ZEB1: variants seen among roughly 807,000 people sequenced by gnomAD.
ZEB1 encodes the protein zinc finger E-box binding homeobox 1.
A neutral mutation model predicts 84.9 loss-of-function variants in ZEB1; 21 were observed. The observed-to-expected ratio is 0.25, with a 90% confidence interval of 0.18 to 0.36. The LOEUF is 0.36. Ranked by LOEUF, ZEB1 falls within the 10% of genes least tolerant of loss-of-function variation. ZEB1 has a pLI of 1.00. For missense variants in ZEB1, 1,104 were observed against 1,330.2 expected (o/e 0.83, Z 2.65); for synonymous variants, 420 against 471.1 (o/e 0.89, Z 1.41).
At chr10:31,427,624 C>T (rs561800308) in intron 1 of ZEB1, among the ~76,000 whole-genome samples, 2 of 152,156 alleles carry the variant, frequency 1.3e-5, no homozygotes, top group Admixed American at 6.5e-5. Context: ...GAGGCCAAGG[C>T]GGGTGGATCA....
chr10:31,451,409 T>G (rs765814709), intron 1 of ZEB1, among the ~76,000 whole-genome samples: 2 of 152,210 alleles, frequency 1.3e-5, no homozygotes, highest in Non-Finnish European at 2.9e-5. Flanking sequence ...GATATATCAA[T>G]TACATGGCTT....
In ZEB1 at chr10:31,392,096, T is replaced by C. The variant is rs1353279140; in HGVS notation, c.59-68941T>C. On this transcript the variant is annotated intron_variant, in intron 1 of 8. Coordinates refer to ENST00000424869, the MANE Select transcript of ZEB1 (RefSeq NM_001174096.2). ...AACTTCAACTAATTAAACTTGAAAATACCAGCCTAAATGGGAGCAGTTAGT... is the reference window on the plus strand; with the variant it reads ...AACTTCAACTAATTAAACTTGAAAACACCAGCCTAAATGGGAGCAGTTAGT... 2.0e-5 allele frequency among the ~76,000 whole-genome samples: 3 copies of C among 152,174 alleles called. No homozygotes were observed. The East Asian group carries it at 5.8e-4, about 29-fold the overall frequency.
intron 1 of ZEB1, among the ~76,000 whole-genome samples, chr10:31,330,020 T>C (rs1422440293): frequency 6.6e-6 from 1 of 152,192 alleles, no homozygotes; most frequent in Non-Finnish European, 1.5e-5. Flanking sequence ...AATGGTACCA[T>C]TGAAGTGCCA....
rs578070916 is a variant in ZEB1 at position 31,426,129 on chromosome 10, A to G, written c.59-34908A>G. 2.1e-4 allele frequency among the ~76,000 whole-genome samples: 32 copies of G among 152,298 alleles called. 2 individuals carry two copies. Among genetic ancestry groups the G allele is most frequent in the Middle Eastern group, 3.4e-3 (1 of 294 alleles). Reference sequence around the variant, plus strand: ...TTCCTTAAAAAGTGATGATAATACCAACTCTACCAATGTTACAGTATGTTG... The same window carrying G: ...TTCCTTAAAAAGTGATGATAATACCGACTCTACCAATGTTACAGTATGTTG... On this transcript the variant is annotated intron_variant, in intron 1 of 8. Transcript: ENST00000424869.
At chr10:31,512,755 A>C (rs1465160550) in intron 5 of ZEB1, among the ~76,000 whole-genome samples, 1 of 152,228 alleles carries the variant, frequency 6.6e-6, no homozygotes, top group Non-Finnish European at 1.5e-5. Flanking sequence ...CAGCAGGATA[A>C]GAGGATAGAA....
At chr10:31,378,299 A>G (rs922934073) in intron 1 of ZEB1, among the ~76,000 whole-genome samples, 1 of 151,580 alleles carries the variant, frequency 6.6e-6, no homozygotes, top group Admixed American at 6.6e-5. Flanking sequence ...GTAAAAAAGT[A>G]TATGTATATA....
At chr10:31,327,003 T>C (rs2035641023) in intron 1 of ZEB1, among the ~76,000 whole-genome samples, 1 of 152,148 alleles carries the variant, frequency 6.6e-6, no homozygotes, top group African/African-American at 2.4e-5. Context: ...GTAGCTAGCC[T>C]TGTAAAATTT....
chr10:31,321,342 A>G (rs944105454), intron 1 of ZEB1: 5 of 1,464,822 alleles, frequency 3.4e-6, no homozygotes, highest in Admixed American at 2.7e-5. Flanking sequence ...ATTCAAATAA[A>G]CACTTGCATT....
At chr10:31,347,264 A>G (rs564596550) in intron 1 of ZEB1, among the ~76,000 whole-genome samples, 1 of 152,366 alleles carries the variant, frequency 6.6e-6, no homozygotes, top group Admixed American at 6.5e-5. Flanking sequence ...CACCTGTTTA[A>G]AATAAGATTC....
chr10:31,443,811 A>G (rs1164226151), intron 1 of ZEB1, among the ~76,000 whole-genome samples: 2 of 150,630 alleles, frequency 1.3e-5, no homozygotes, highest in Non-Finnish European at 2.9e-5. Context: ...CCAGTCTATC[A>G]TTGTTGGACA....
At chr10:31,385,639 G>C (rs1026075201) in intron 1 of ZEB1, among the ~76,000 whole-genome samples, 16 of 151,300 alleles carry the variant, frequency 1.1e-4, no homozygotes, top group African/African-American at 3.9e-4. Flanking sequence ...CAGTTCTCCT[G>C]CCTTAGCCCC....
intron 1 of ZEB1, among the ~76,000 whole-genome samples, chr10:31,370,493 C>T: frequency 6.6e-6 from 1 of 152,278 alleles, no homozygotes; most frequent in African/African-American, 2.4e-5. Flanking sequence ...ATTTTTAAAA[C>T]TCATATTCTT....
chr10:31,321,774 A>T, intron 1 of ZEB1: 1 of 556,854 alleles, frequency 1.8e-6, no homozygotes, highest in Non-Finnish European at 3.2e-6. Flanking sequence ...TAAGGGGGGA[A>T]AAGCGATCCT....
chr10:31,464,972 A>G (rs1348141201), intron 2 of ZEB1, among the ~76,000 whole-genome samples: 1 of 152,208 alleles, frequency 6.6e-6, no homozygotes, highest in African/African-American at 2.4e-5. Context: ...TATAAATACT[A>G]TTCTATATAG....
In ZEB1 at chr10:31,529,222, CATT is replaced by C. The variant is rs1258063430; in HGVS notation, c.*1961_*1963del. On this transcript the variant is annotated 3_prime_UTR_variant, in exon 9 of 9. Transcript: ENST00000424869. ...CCTGAACTGCTGTCATTCTTTTCATCATTATCAGTATTTTCTTTGGAAAACTGT... is the reference window on the plus strand; with the variant it reads ...CCTGAACTGCTGTCATTCTTTTCATCATCAGTATTTTCTTTGGAAAACTGT... The C allele has an allele frequency of 6.6e-6, 1 of 152,178 alleles. No homozygotes were observed. Among genetic ancestry groups the C allele is most frequent in the African/African-American group, 2.4e-5 (1 of 41,436 alleles). The allele number at this position is 152,178 out of a possible 1,614,324, so 9.4% of individuals were successfully genotyped here.
At chr10:31,331,784 G>A (rs1397230185) in intron 1 of ZEB1, among the ~76,000 whole-genome samples, 1 of 152,162 alleles carries the variant, frequency 6.6e-6, no homozygotes, top group Non-Finnish European at 1.5e-5. Flanking sequence ...CATATTGTGG[G>A]ACTCAAGTCA....
intron 3 of ZEB1, among the ~76,000 whole-genome samples, chr10:31,498,617 C>T (rs1029074264): frequency 2.0e-5 from 3 of 151,894 alleles, no homozygotes; most frequent in Admixed American, 6.6e-5. Flanking sequence ...TATACTGTCT[C>T]ACAAATTTCT....
intron 1 of ZEB1, chr10:31,373,171 A>G (rs1341617675): frequency 2.0e-6 from 2 of 984,918 alleles, no homozygotes; most frequent in Non-Finnish European, 1.2e-6. Flanking sequence ...AAGGAAGTCA[A>G]TGGTAAGAGT....
chr10:31,423,626 C>T (rs1257563925), intron 1 of ZEB1, among the ~76,000 whole-genome samples: 1 of 152,026 alleles, frequency 6.6e-6, no homozygotes, highest in Non-Finnish European at 1.5e-5. Flanking sequence ...TCTAATTTAC[C>T]TCTTCCCAAA....
Sources: gnomAD v4.1 joint callset for allele counts (sites outside exome capture counted in the v4.1 genomes callset) on GRCh38, gnomAD v4.1.1 for gene constraint, MANE v1.5 for transcripts, NCBI Gene and HGNC (gene_info 2026-07-23, HGNC 2026-07-21) for gene names.